The following AIG1 variants were observed in gnomAD, a reference collection of about 807,000 sequenced individuals.
The protein encoded by AIG1 is androgen induced 1.
A neutral mutation model predicts 31.4 loss-of-function variants in AIG1; 23 were observed. The observed-to-expected ratio is 0.73, with a 90% CI of 0.53 to 1.04. AIG1 has a LOEUF of 1.04. Ranked by LOEUF, AIG1 falls within the 50% of genes least tolerant of loss-of-function variation. AIG1 has a pLI of 0.00. For missense variants in AIG1, 274 were observed against 295.0 expected, an observed-to-expected ratio of 0.93 and a Z score of 0.52; for synonymous variants, 100 against 110.5, an observed-to-expected ratio of 0.90 and a Z score of 0.60.
At chr6:143,209,945 G>T (rs1260999500) in intron 3 of AIG1, among the ~76,000 whole-genome samples, 2 of 152,162 alleles carry the variant, frequency 1.3e-5, no homozygotes, top group Non-Finnish European at 2.9e-5. Context: ...CACAAGCCAG[G>T]AGCAGAGCGT....
intron 1 of AIG1, among the ~76,000 whole-genome samples, chr6:143,093,012 T>G (rs1488871961): frequency 6.6e-6 from 1 of 152,178 alleles, no homozygotes. Flanking sequence ...ATTGCACCAC[T>G]GCACTCTAGC....
chr6:143,172,166 T>A (rs1156552779), intron 3 of AIG1, among the ~76,000 whole-genome samples: 3 of 152,234 alleles, frequency 2.0e-5, no homozygotes, highest in Admixed American at 6.5e-5. Context: ...TTTCTTTTGC[T>A]GTGCAGAAGC....
At chr6:143,223,769 C>T (rs1451956544) in intron 3 of AIG1, among the ~76,000 whole-genome samples, 2 of 152,294 alleles carry the variant, frequency 1.3e-5, no homozygotes. Flanking sequence ...AATTGAATAA[C>T]TACAATTTAT....
intron 5 of AIG1, among the ~76,000 whole-genome samples, chr6:143,336,706 G>A (rs748327767): frequency 6.6e-6 from 1 of 152,056 alleles, no homozygotes; most frequent in Admixed American, 6.6e-5. Context: ...AACCCCAAAC[G>A]TCTTTCAGAC....
chr6:143,162,841 T>G (rs527323285), intron 2 of AIG1, among the ~76,000 whole-genome samples: 1 of 152,266 alleles, frequency 6.6e-6, no homozygotes, highest in East Asian at 1.9e-4. Context: ...CTCATGACTA[T>G]GTGGGCAGGG....
chr6:143,235,614 C>G (rs1793750457), intron 3 of AIG1, among the ~76,000 whole-genome samples: 1 of 118,918 alleles, frequency 8.4e-6, no homozygotes, highest in East Asian at 7.9e-4. Context: ...TCCCCTGATT[C>G]ATTTGTAGGG....
At position 143,279,278 on chromosome 6, in the gene AIG1, A is replaced by G. The variant is rs1797175120; in HGVS notation, c.400-4832A>G. Among the ~76,000 whole-genome samples the G allele has an allele frequency of 6.6e-6, 1 of 152,160 alleles. No individual in the cohort carries two copies. The highest frequency in any genetic ancestry group is 2.4e-5 in the African/African-American group (1 of 41,434). ...TCAGCCCTGGCATGTGTTATAGCAA[A>G]ACTCATTAGCTCTTCAGGAGAAGCA... On this transcript the variant is annotated intron_variant, in intron 3 of 5. Transcript: ENST00000357847. This position sits in a 1 kb window ranked among gnomAD's most constrained non-coding sequence, Gnocchi z 5.4.
chr6:143,236,555 C>A (rs1227044441), intron 3 of AIG1, among the ~76,000 whole-genome samples: 1 of 152,142 alleles, frequency 6.6e-6, no homozygotes, highest in Non-Finnish European at 1.5e-5. Flanking sequence ...CAAGTTCCTG[C>A]CCCCTTCTGA....
rs930300559 is a variant in AIG1, at chr6:143,101,780, C to T, written c.142-35055C>T. Among the ~76,000 whole-genome samples, 11 of 152,002 alleles carry T rather than the reference C, an allele frequency of 7.2e-5. No individual in the cohort carries two copies. In the South Asian group the frequency reaches 8.3e-4, roughly 11 times the overall value. On this transcript the variant is annotated intron_variant, in intron 1 of 5. Coordinates refer to ENST00000357847, the MANE Select transcript of AIG1 (RefSeq NM_016108.4). Reference sequence around the variant, plus strand: ...AAGAACTTATTCATGTAACGAAATGCCACCTGTTCCCCCAAAACCAATGGA... The same window carrying T: ...AAGAACTTATTCATGTAACGAAATGTCACCTGTTCCCCCAAAACCAATGGA...
At chr6:143,064,979 G>A (rs963924316) in intron 1 of AIG1, among the ~76,000 whole-genome samples, 1 of 152,188 alleles carries the variant, frequency 6.6e-6, no homozygotes, top group Non-Finnish European at 1.5e-5. Flanking sequence ...TACAGTAAAA[G>A]GTGGTTATTT....
chr6:143,129,227 C>T (rs923043035), intron 1 of AIG1, among the ~76,000 whole-genome samples: 9 of 152,090 alleles, frequency 5.9e-5, no homozygotes, highest in Admixed American at 3.9e-4. Context: ...GGAGGCGGAG[C>T]TTGCAGTGAG....
intron 1 of AIG1, among the ~76,000 whole-genome samples, chr6:143,062,623 A>G (rs1776356583): frequency 6.6e-6 from 1 of 152,128 alleles, no homozygotes; most frequent in African/African-American, 2.4e-5. Flanking sequence ...TGTAGCAGAC[A>G]TTTTCTGTAT....
rs9484730 is a variant in AIG1, at chr6:143,340,907, A to G, written c.*1231A>G. Among the ~76,000 whole-genome samples the G allele has an allele frequency of 0.051, 7,820 of 152,186 alleles. 666 individuals carry two copies. Among genetic ancestry groups the G allele is most frequent in the African/African-American group, 0.18 (7,364 of 41,536 alleles). The stretch of plus-strand genomic sequence containing the variant: ...CAATGTTGAGAGAGATCAACAAATG[A>G]TATAAAACCATTCACTCCAAAATTA... On this transcript the variant is annotated 3_prime_UTR_variant, in exon 6 of 6. Transcript: ENST00000357847.
Position 143,197,069 on chromosome 6 carries a change from A to T in AIG1, c.399+31886A>T, listed in dbSNP as rs528475835. Among the ~76,000 whole-genome samples, 3 of 152,242 alleles carry T rather than the reference A, an allele frequency of 2.0e-5. No individual in the cohort carries two copies. The South Asian group carries it at 6.2e-4, about 32-fold the overall frequency. ...TGTGTGTGGTTTCCGGGTCACTTGC[A>T]TGCTGATGATCCAGCAACTGGGACA... On this transcript the variant is annotated intron_variant, in intron 3 of 5. Coordinates refer to ENST00000357847, the MANE Select transcript of AIG1 (RefSeq NM_016108.4).
chr6:143,086,065 T>G (rs770730841), intron 1 of AIG1, among the ~76,000 whole-genome samples: 2 of 152,256 alleles, frequency 1.3e-5, no homozygotes, highest in African/African-American at 2.4e-5. Context: ...CAATGAGGTT[T>G]CCTCTAAAGG....
At chr6:143,241,466 A>G (rs936003543) in intron 3 of AIG1, among the ~76,000 whole-genome samples, 1 of 152,190 alleles carries the variant, frequency 6.6e-6, no homozygotes, top group Non-Finnish European at 1.5e-5. Context: ...GCATTAAGAG[A>G]CAGAAAGAAA....
chr6:143,292,713 C>T lies in AIG1; in HGVS notation c.515+8488C>T, dbSNP rs1370304998. On this transcript the variant is annotated intron_variant, in intron 4 of 5. Coordinates refer to ENST00000357847, the MANE Select transcript of AIG1 (RefSeq NM_016108.4). The surrounding 1 kb of genome is among the most constrained non-coding windows in gnomAD (Gnocchi z 4.9). ...AATACTTGAACAAATCACTTAATCTCTATGGGCCTCAATTTCCTTATCCGA... is the reference window on the plus strand; with the variant it reads ...AATACTTGAACAAATCACTTAATCTTTATGGGCCTCAATTTCCTTATCCGA... 1.3e-5 allele frequency among the ~76,000 whole-genome samples: 2 copies of T among 152,184 alleles called. No homozygotes were observed. Among genetic ancestry groups the T allele is most frequent in the Admixed American group, 6.5e-5 (1 of 15,288 alleles).
intron 4 of AIG1, among the ~76,000 whole-genome samples, chr6:143,304,473 A>G (rs1278580812): frequency 3.1e-5 from 4 of 130,448 alleles, no homozygotes; most frequent in Admixed American, 7.8e-5. Flanking sequence ...TTCTGCATCT[A>G]TTGAGATAAT....
chr6:143,078,576 C>T (rs148375149), intron 1 of AIG1, among the ~76,000 whole-genome samples: 3,997 of 152,172 alleles, frequency 0.026, 158 homozygotes, highest in African/African-American at 0.092. Flanking sequence ...GCCTCACAAT[C>T]GTGGTGGAAG....
Sources: gnomAD v4.1 joint callset for allele counts (sites outside exome capture counted in the v4.1 genomes callset) on GRCh38, gnomAD v4.1.1 for gene constraint, Gnocchi (gnomAD v3.1) non-coding constraint, MANE v1.5 for transcripts, NCBI Gene and HGNC (gene_info 2026-07-23, HGNC 2026-07-21) for gene names.